Variants in ZNF516 observed in about 807,000 individuals in gnomAD.
ZNF516 encodes the protein zinc finger protein 516.
A neutral mutation model predicts 79.7 loss-of-function variants in ZNF516; 19 were observed. That is an observed-to-expected ratio of 0.24 (90% CI 0.17 to 0.35). The LOEUF (loss-of-function observed/expected upper bound fraction) is 0.35. Among genes scored for constraint, ZNF516 ranks in the 10% least tolerant of loss-of-function variants. ZNF516 has a pLI of 1.00. For synonymous variants in ZNF516, 877 were observed against 739.5 expected, an observed-to-expected ratio of 1.19 and a Z score of -3.02; for missense variants, 1,678 against 1,679.5, an observed-to-expected ratio of 1.00 and a Z score of 0.02.
chr18:76,398,912 T>TA (rs916342672), intron 3 of ZNF516, among the ~76,000 whole-genome samples: 76 of 148,342 alleles, frequency 5.1e-4, no homozygotes, highest in African/African-American at 6.1e-4. Context: ...AATGAGTCTT[T>TA]AAAAAAAAAA....
intron 3 of ZNF516, among the ~76,000 whole-genome samples, chr18:76,438,782 A>C (rs1258369796): frequency 6.6e-6 from 1 of 152,228 alleles, no homozygotes; most frequent in Non-Finnish European, 1.5e-5. Flanking sequence ...TGTCAAAGAA[A>C]ATGTTCGGGC....
Position 76,493,096 on chromosome 18 carries a change from C to CT in ZNF516, c.-272+2047dup, listed in dbSNP as rs561296687. The stretch of plus-strand genomic sequence containing the variant: ...CAGGGAGACTTCGCAAAGCTGTTTC[C>CT]TTTTTTTTTTTTCCTCCTCTCCTCC... On this transcript the variant is annotated intron_variant, in intron 1 of 6. Coordinates refer to ENST00000443185, the MANE Select transcript of ZNF516 (RefSeq NM_014643.4). The surrounding 1 kb of genome is among the most constrained non-coding windows in gnomAD (Gnocchi z 5.2). The CT allele has an allele frequency of 0.12, 70,131 of 607,672 alleles. 397 individuals carry two copies. Among genetic ancestry groups the CT allele is most frequent in the Middle Eastern group, 0.21 (276 of 1,292 alleles). The allele number at this position is 607,672 out of a possible 1,614,324, so 37.6% of individuals were successfully genotyped here.
At chr18:76,484,757 T>C (rs1236057986) in intron 1 of ZNF516, among the ~76,000 whole-genome samples, 1 of 152,266 alleles carries the variant, frequency 6.6e-6, no homozygotes, top group African/African-American at 2.4e-5. Context: ...AACTTTCTTT[T>C]TAATCAATAC....
Position 76,456,903 on chromosome 18 carries a change from C to T in ZNF516, c.-158+6125G>A, listed in dbSNP as rs532682520. ...TGAGTTTTGTTGTTTTCCAAAATCA[C>T]TTTGCTGCATTAAATATGCATCTGT... On this transcript the variant is annotated intron_variant, in intron 2 of 6. Coordinates refer to ENST00000443185, the MANE Select transcript of ZNF516 (RefSeq NM_014643.4). Among the ~76,000 whole-genome samples, 13 of 152,296 alleles carry T rather than the reference C, an allele frequency of 8.5e-5. No homozygotes were observed. The South Asian group carries it at 2.7e-3, about 32-fold the overall frequency.
Position 76,382,542 on chromosome 18 carries a change from G to T in ZNF516, c.1811-2239C>A, listed in dbSNP as rs529921946. Among the ~76,000 whole-genome samples, 4 of 152,240 alleles carry T rather than the reference G, an allele frequency of 2.6e-5. No homozygotes were observed. The South Asian group carries it at 8.3e-4, about 32-fold the overall frequency. On this transcript the variant is annotated intron_variant, in intron 3 of 6. Transcript: ENST00000443185. ...GCACGACTGTCGAGGCTTCCAAAAT[G>T]TTCCCCAAAAGGATCATAAAACATC...
chr18:76,492,671 G>A (rs1200653268), intron 1 of ZNF516: 8 of 969,132 alleles, frequency 8.3e-6, no homozygotes, highest in South Asian at 4.8e-5. Flanking sequence ...GCGTGCCCAG[G>A]CACCAAGGCC....
chr18:76,400,559 T>C (rs557574199), intron 3 of ZNF516, among the ~76,000 whole-genome samples: 1 of 152,348 alleles, frequency 6.6e-6, no homozygotes, highest in South Asian at 2.1e-4. Context: ...GACCCCGTAC[T>C]TGGTTGAGTG....
Position 76,451,760 on chromosome 18 carries a change from A to C in ZNF516, c.-157-8549T>G, listed in dbSNP as rs1744067981. 6.6e-6 allele frequency among the ~76,000 whole-genome samples: 1 copy of C among 152,222 alleles called. No individual in the cohort carries two copies. Among genetic ancestry groups the C allele is most frequent in the South Asian group, 2.1e-4 (1 of 4,832 alleles). ...ACTGTAGTATTATGAACCATGAATT[A>C]AAATACATCATTAACATCCTGGACA... is the stretch of plus-strand genomic sequence containing the variant. On this transcript the variant is annotated intron_variant, in intron 2 of 6. Transcript: ENST00000443185. This position sits in a 1 kb window ranked among gnomAD's most constrained non-coding sequence, Gnocchi z 6.0.
chr18:76,419,337 G>T (rs755243271), intron 3 of ZNF516, among the ~76,000 whole-genome samples: 1 of 152,212 alleles, frequency 6.6e-6, no homozygotes, highest in Non-Finnish European at 1.5e-5. Context: ...TATCAAATGT[G>T]TATACACAAA....
At position 76,360,649 on chromosome 18, in the gene ZNF516, ATATATATATAT is replaced by A. The variant is rs1568223991; in HGVS notation, c.*1838_*1848del. On this transcript the variant is annotated 3_prime_UTR_variant, in exon 7 of 7. Transcript: ENST00000443185. Reference sequence around the variant, plus strand: ...AAAATAAGTAAAAAAAAAAAAAAATATATATATATATATATATATATATATATATAAGCTAG... The same window carrying A: ...AAAATAAGTAAAAAAAAAAAAAAATAATATATATATATATATATAAGCTAG... 1.8e-4 allele frequency: 17 copies of A among 94,434 alleles called. No individual in the cohort carries two copies. The highest frequency in any genetic ancestry group is 2.6e-4 in the Non-Finnish European group (12 of 45,738). 5.8% of individuals were successfully genotyped at this position (94,434 alleles called of 1,614,324 possible). A position where few individuals can be genotyped will look rare whatever the true frequency, so the allele number is the denominator to read the frequency against.
chr18:76,392,243 T>C (rs924833364), intron 3 of ZNF516, among the ~76,000 whole-genome samples: 1 of 152,128 alleles, frequency 6.6e-6, no homozygotes, highest in Admixed American at 6.5e-5. Context: ...TCTTTTGACA[T>C]AGGGAAAAAG....
Position 76,379,418 on chromosome 18 carries a change from G to C in ZNF516, c.2696C>G (p.Ala899Gly), listed in dbSNP as rs61733592. The change falls in exon 4 of 7, where the codon GCG becomes GGG. Residue 899 changes from alanine to glycine, a missense_variant. Physicochemically the swap from Ala to Gly is moderately conservative, Grantham distance 60 (BLOSUM62 0). Transcript: ENST00000443185. ...KPCHGQEPHGAATQGPLAKPR... is the reference protein window; with the variant it reads ...KPCHGQEPHGGATQGPLAKPR... The stretch of plus-strand genomic sequence containing the variant: ...CTTGGCCAGGGGCCCCTGTGTGGCC[G>C]CGCCATGTGGCTCCTGGCCGTGACA... 6.2e-6 allele frequency: 10 copies of C among 1,609,676 alleles called. No individual in the cohort carries two copies. Among genetic ancestry groups the C allele is most frequent in the Non-Finnish European group, 8.5e-6 (10 of 1,177,866 alleles).
At chr18:76,481,837 T>C (rs1018700473) in intron 1 of ZNF516, among the ~76,000 whole-genome samples, 3 of 152,220 alleles carry the variant, frequency 2.0e-5, no homozygotes, top group African/African-American at 7.2e-5. Context: ...ATAAAATTTC[T>C]ATTAATTTAA....
intron 2 of ZNF516, among the ~76,000 whole-genome samples, chr18:76,445,811 G>GCCCTC (rs1397893547): frequency 6.6e-6 from 1 of 152,250 alleles, no homozygotes; most frequent in Non-Finnish European, 1.5e-5. Context: ...GTTAGAGACA[G>GCCCTC]CCCTCGAGTG....
At chr18:76,479,082 G>A (rs1034811932) in intron 1 of ZNF516, among the ~76,000 whole-genome samples, 1 of 152,012 alleles carries the variant, frequency 6.6e-6, no homozygotes, top group Non-Finnish European at 1.5e-5. Flanking sequence ...CACTGGGGAA[G>A]AGAAAACCTT....
chr18:76,404,391 G>A (rs1377982723), intron 3 of ZNF516, among the ~76,000 whole-genome samples: 5 of 152,022 alleles, frequency 3.3e-5, no homozygotes, highest in African/African-American at 4.8e-5. Flanking sequence ...GGCAGTTTTA[G>A]AGTATCTGTG....
At chr18:76,399,199 T>TCCAACAGGCATTTAC (rs2075185478) in intron 3 of ZNF516, among the ~76,000 whole-genome samples, 1 of 152,194 alleles carries the variant, frequency 6.6e-6, no homozygotes, top group Non-Finnish European at 1.5e-5. Context: ...CAGGCATTTA[T>TCCAACAGGCATTTAC]CTGCAAAAGA....
At chr18:76,423,762 T>C (rs1168640823) in intron 3 of ZNF516, among the ~76,000 whole-genome samples, 1 of 103,664 alleles carries the variant, frequency 9.6e-6, no homozygotes, top group African/African-American at 4.0e-5. Flanking sequence ...GTGAAAAGGC[T>C]CCCCCGAAAC....
At chr18:76,389,653 G>A (rs2075043537) in intron 3 of ZNF516, among the ~76,000 whole-genome samples, 1 of 152,126 alleles carries the variant, frequency 6.6e-6, no homozygotes, top group Non-Finnish European at 1.5e-5. Context: ...TTTTTGTTCT[G>A]TTCAATTCCT....
Sources: allele counts gnomAD v4.1 joint callset (sites outside exome capture counted in the v4.1 genomes callset), GRCh38; gene constraint gnomAD v4.1.1; non-coding constraint Gnocchi (gnomAD v3.1); transcripts MANE v1.5; gene names NCBI Gene and HGNC (gene_info 2026-07-23, HGNC 2026-07-21).